The following DTNBP1 variants were observed in gnomAD, a reference collection of about 807,000 sequenced individuals.
The protein encoded by DTNBP1 is dysbindin.
DTNBP1 carries 35 observed loss-of-function variants against 42.8 expected under a neutral mutation model. The ratio of observed to expected loss-of-function variants is 0.82; its 90% CI spans 0.63 to 1.09. The LOEUF (loss-of-function observed/expected upper bound fraction) is 1.09, where lower values mean the gene tolerates loss of function less well. Among genes scored for constraint, DTNBP1 ranks in the 50% least tolerant of loss-of-function variants. The pLI is 0.00. For missense variants in DTNBP1, 457 were observed against 424.2 expected, an observed-to-expected ratio of 1.08 and a Z score of -0.68; for synonymous variants, 171 against 162.2, an observed-to-expected ratio of 1.05 and a Z score of -0.41.
At chr6:15,649,872 A>T (rs1047014817) in intron 3 of DTNBP1, among the ~76,000 whole-genome samples, 1 of 152,310 alleles carries the variant, frequency 6.6e-6, no homozygotes, top group Admixed American at 6.5e-5. Context: ...CTCTAACATA[A>T]ATTTTTCAGT....
chr6:15,615,528 A>C (rs1758669217), intron 5 of DTNBP1, 129 bp from the exon 6 acceptor site: 1 of 1,256,702 alleles, frequency 8.0e-7, no homozygotes. Flanking sequence ...TTTTTATTAA[A>C]CTTTCTTGAA....
chr6:15,621,741 T>C (rs918631046), intron 5 of DTNBP1, among the ~76,000 whole-genome samples: 5 of 152,150 alleles, frequency 3.3e-5, no homozygotes, highest in African/African-American at 1.2e-4. Flanking sequence ...CCACAAACTG[T>C]TTACTTCACT....
intron 5 of DTNBP1, among the ~76,000 whole-genome samples, chr6:15,618,416 T>A (rs1758837562): frequency 2.0e-5 from 3 of 151,892 alleles, no homozygotes; most frequent in Admixed American, 2.0e-4. Context: ...AAAAACTACC[T>A]ACTGGGTACA....
At chr6:15,592,192 T>C (rs900232858) in intron 7 of DTNBP1, among the ~76,000 whole-genome samples, 1 of 152,246 alleles carries the variant, frequency 6.6e-6, no homozygotes, top group Non-Finnish European at 1.5e-5. Flanking sequence ...ATAAATGATA[T>C]ACTTGGAAAT....
At chr6:15,608,329 A>G (rs1336547543) in intron 6 of DTNBP1, among the ~76,000 whole-genome samples, 3 of 152,190 alleles carry the variant, frequency 2.0e-5, no homozygotes, top group African/African-American at 7.2e-5. Context: ...CCAGAGTTTA[A>G]TAATTCAAGT....
At chr6:15,626,134 A>T (rs1759331708) in intron 5 of DTNBP1, among the ~76,000 whole-genome samples, 1 of 152,196 alleles carries the variant, frequency 6.6e-6, no homozygotes, top group Non-Finnish European at 1.5e-5. Flanking sequence ...TGAGGATATC[A>T]TCAATGTGGT....
chr6:15,646,655 T>C (rs1760696074), intron 3 of DTNBP1, among the ~76,000 whole-genome samples: 1 of 152,086 alleles, frequency 6.6e-6, no homozygotes, highest in Non-Finnish European at 1.5e-5. Context: ...ATCATAGTAC[T>C]AGTATAAAAA....
rs560951568 is a variant in DTNBP1 at position 15,546,618 on chromosome 6, A to G, written c.512-13223T>C. ...TTGATTGAAGAATGATAAGAACCAG[A>G]AAGTGTAAGATAAATGGATCAGTAA... On this transcript the variant is annotated intron_variant, in intron 7 of 9. Coordinates refer to ENST00000344537, the MANE Select transcript of DTNBP1 (RefSeq NM_032122.5). Among the ~76,000 whole-genome samples, 14 of 152,324 alleles carry G rather than the reference A, an allele frequency of 9.2e-5. No individual in the cohort carries two copies. In the East Asian group the frequency reaches 2.7e-3, roughly 29 times the overall value.
intron 7 of DTNBP1, among the ~76,000 whole-genome samples, chr6:15,547,717 C>T (rs1773963354): frequency 6.6e-6 from 1 of 152,178 alleles, no homozygotes; most frequent in Non-Finnish European, 1.5e-5. Flanking sequence ...CTGTGCCATT[C>T]TGTGGAATCC....
chr6:15,662,870 T>TGCC lies in DTNBP1; in HGVS notation c.-4_-2dup, dbSNP rs768740627. The TGCC allele has an allele frequency of 1.8e-5, 29 of 1,604,478 alleles. No individual in the cohort carries two copies. Among genetic ancestry groups the TGCC allele is most frequent in the East Asian group, 6.7e-5 (3 of 44,856 alleles). On this transcript the variant is annotated 5_prime_UTR_variant, in exon 1 of 10. Transcript: ENST00000344537. ...GCCGCTCGCGAAGGGTCTCCAGCATTGCCGCCGCCGCCGGTCTCCTCTCCT... is the reference window on the plus strand; with the variant it reads ...GCCGCTCGCGAAGGGTCTCCAGCATTGCCGCCGCCGCCGCCGGTCTCCTCTCCT...
chr6:15,612,107 T>G (rs114040848), intron 6 of DTNBP1, among the ~76,000 whole-genome samples: 1 of 152,210 alleles, frequency 6.6e-6, no homozygotes, highest in East Asian at 1.9e-4. Flanking sequence ...CATTGTTATC[T>G]TATTTTAATT....
intron 5 of DTNBP1, among the ~76,000 whole-genome samples, chr6:15,626,717 T>C (rs1759371578): frequency 6.6e-6 from 1 of 151,816 alleles, no homozygotes; most frequent in African/African-American, 2.4e-5. Flanking sequence ...TTCCACAGAG[T>C]ATAAATTTAG....
Position 15,524,673 on chromosome 6 carries a change from C to T in DTNBP1, c.668-4G>A, listed in dbSNP as rs369322723. ...GATGACATGCTGCCTATGGGCTCTG[C>T]GGATAGATCAACACGAGAAAGGACA... On this transcript the variant is annotated splice_polypyrimidine_tract_variant and splice_region_variant and intron_variant, in intron 8 of 9. Transcript: ENST00000344537. 4.2e-5 allele frequency: 67 copies of T among 1,612,288 alleles called. No homozygotes were observed. The highest frequency in any genetic ancestry group is 2.0e-4 in the East Asian group (9 of 44,880).
intron 8 of DTNBP1, among the ~76,000 whole-genome samples, chr6:15,528,959 C>T (rs1772612679): frequency 6.6e-6 from 1 of 152,190 alleles, no homozygotes; most frequent in Non-Finnish European, 1.5e-5. Context: ...CTTAAAGCAA[C>T]TCTTACGTAT....
chr6:15,588,589 G>A (rs1456940669), intron 7 of DTNBP1, among the ~76,000 whole-genome samples: 5 of 152,152 alleles, frequency 3.3e-5, no homozygotes, highest in Admixed American at 3.3e-4. Context: ...GAAGACCACT[G>A]GCCTAAAGGG....
At chr6:15,653,416 G>A (rs1366896853) in intron 1 of DTNBP1, among the ~76,000 whole-genome samples, 2 of 152,124 alleles carry the variant, frequency 1.3e-5, no homozygotes, top group East Asian at 1.9e-4. Context: ...TTGGTCACCT[G>A]GATGTCAGCT....
chr6:15,617,917 A>C (rs951190631), intron 5 of DTNBP1, among the ~76,000 whole-genome samples: 2 of 152,312 alleles, frequency 1.3e-5, no homozygotes, highest in South Asian at 2.1e-4. Flanking sequence ...AGAAAAAAAA[A>C]CATCAAGACT....
intron 3 of DTNBP1, among the ~76,000 whole-genome samples, chr6:15,640,840 C>T (rs1760300961): frequency 6.6e-6 from 1 of 152,156 alleles, no homozygotes; most frequent in African/African-American, 2.4e-5. Flanking sequence ...TTTCAGTCGA[C>T]TTCAGGTTTT....
At chr6:15,616,563 G>C (rs1758728743) in intron 5 of DTNBP1, among the ~76,000 whole-genome samples, 1 of 152,354 alleles carries the variant, frequency 6.6e-6, no homozygotes. Context: ...GAAGGGAGCA[G>C]TGAAGAACAA....
Sources: gnomAD v4.1 joint callset for allele counts (sites outside exome capture counted in the v4.1 genomes callset) on GRCh38, gnomAD v4.1.1 for gene constraint, MANE v1.5 for transcripts, NCBI Gene and HGNC (gene_info 2026-07-23, HGNC 2026-07-21) for gene names.